Variants in MAP2K6 observed in about 807,000 individuals in gnomAD.
MAP2K6 encodes mitogen-activated protein kinase kinase 6, also known as dual specificity mitogen-activated protein kinase kinase 6.
MAP2K6 carries 16 observed loss-of-function variants against 53.7 expected under a neutral mutation model. The observed-to-expected ratio is 0.30, with a 90% CI of 0.20 to 0.45. The LOEUF (loss-of-function observed/expected upper bound fraction) is 0.45, where lower values mean the gene tolerates loss of function less well. Among genes scored for constraint, MAP2K6 ranks in the 20% least tolerant of loss-of-function variants. MAP2K6 has a pLI of 1.00. For synonymous variants in MAP2K6, 132 were observed against 143.1 expected (o/e 0.92, Z 0.55); for missense variants, 204 against 411.9 (o/e 0.50, Z 4.37).
intron 10 of MAP2K6, among the ~76,000 whole-genome samples, chr17:69,528,500 G>C (rs1371067735): frequency 6.6e-6 from 1 of 152,024 alleles, no homozygotes; most frequent in African/African-American, 2.4e-5. Context: ...TTTTGTGGAT[G>C]GTTGGTTGGT....
chr17:69,541,317 TAGCCTAAAATG>T (rs879345935), intron 11 of MAP2K6, among the ~76,000 whole-genome samples: 1 of 152,204 alleles, frequency 6.6e-6, no homozygotes, highest in Non-Finnish European at 1.5e-5. Context: ...ACTACTATAT[TAGCCTAAAATG>T]ACCTTGTGGG....
rs1912095850 is a variant in MAP2K6, at chr17:69,551,461, G to A, written c.*9708G>A. The A allele has an allele frequency of 6.6e-6, 1 of 152,202 alleles. No homozygotes were observed. The highest frequency in any genetic ancestry group is 2.1e-4 in the South Asian group (1 of 4,834). 9.4% of individuals were successfully genotyped at this position (152,202 alleles called of 1,614,324 possible). A position where few individuals can be genotyped will look rare whatever the true frequency, so the allele number is the denominator to read the frequency against. On this transcript the variant is annotated 3_prime_UTR_variant, in exon 12 of 12. Transcript: ENST00000590474. ...TGTACACACACATAAAGAGTCTGGT[G>A]AATTCTGACAGTGTTCTGTTTGCCA...
At chr17:69,538,240 C>A (rs573281326) in intron 11 of MAP2K6, among the ~76,000 whole-genome samples, 67 of 152,300 alleles carry the variant, frequency 4.4e-4, no homozygotes, top group African/African-American at 1.6e-3. Flanking sequence ...GCTACTTTTT[C>A]TTCTTCCAAA....
intron 1 of MAP2K6, among the ~76,000 whole-genome samples, chr17:69,501,508 A>AT (rs968911488): frequency 1.3e-5 from 2 of 151,742 alleles, no homozygotes; most frequent in African/African-American, 2.4e-5. Flanking sequence ...GGCTTTTTAA[A>AT]TTTTTTTTTC....
intron 11 of MAP2K6, 105 bp from the exon 12 acceptor site, chr17:69,541,571 T>G: frequency 1.3e-6 from 1 of 780,132 alleles, no homozygotes; most frequent in South Asian, 1.6e-5. Flanking sequence ...CTAGCTCTGA[T>G]AGGGATACTT....
intron 1 of MAP2K6, among the ~76,000 whole-genome samples, chr17:69,425,448 G>C (rs778634216): frequency 1.3e-5 from 2 of 151,950 alleles, no homozygotes; most frequent in Non-Finnish European, 2.9e-5. Context: ...AAGTAGCTGG[G>C]ATTACAGGCG....
intron 1 of MAP2K6, among the ~76,000 whole-genome samples, chr17:69,454,305 G>C (rs1358309090): frequency 1.3e-5 from 2 of 152,204 alleles, no homozygotes; most frequent in Non-Finnish European, 2.9e-5. Context: ...CAGAGAAAAT[G>C]ATCAGGGCAG....
intron 1 of MAP2K6, among the ~76,000 whole-genome samples, chr17:69,498,650 CCA>C (rs3222089): frequency 0.016 from 2,306 of 145,290 alleles, 24 homozygotes; most frequent in African/African-American, 0.034. Context: ...CACCTGGAAG[CCA>C]CACACACACA....
intron 1 of MAP2K6, among the ~76,000 whole-genome samples, chr17:69,462,865 C>T (rs576338214): frequency 2.0e-5 from 3 of 151,254 alleles, no homozygotes; most frequent in Non-Finnish European, 4.4e-5. Context: ...GAGGCTGAGG[C>T]GGGCGGAAAA....
chr17:69,448,709 T>C (rs992162716), intron 1 of MAP2K6, among the ~76,000 whole-genome samples: 6 of 152,172 alleles, frequency 3.9e-5, no homozygotes, highest in African/African-American at 9.7e-5. Context: ...GTGAACTGAT[T>C]GTTTGCGGGG....
At chr17:69,421,114 A>C (rs77308249) in intron 1 of MAP2K6, among the ~76,000 whole-genome samples, 5 of 152,248 alleles carry the variant, frequency 3.3e-5, no homozygotes, top group African/African-American at 9.6e-5. Context: ...TGCTCAAAAA[A>C]TGTCTGACAA....
chr17:69,514,894 T>A (rs1910059629), intron 2 of MAP2K6, among the ~76,000 whole-genome samples: 1 of 152,148 alleles, frequency 6.6e-6, no homozygotes, highest in Non-Finnish European at 1.5e-5. Flanking sequence ...TATTTATGTA[T>A]TCAATTTCAG....
chr17:69,511,061 T>C (rs868543976), intron 2 of MAP2K6, among the ~76,000 whole-genome samples: 1 of 152,208 alleles, frequency 6.6e-6, no homozygotes, highest in Non-Finnish European at 1.5e-5. Context: ...GTTTACATTA[T>C]AGCATAAATT....
At chr17:69,509,944 G>A (rs531482316) in intron 2 of MAP2K6, among the ~76,000 whole-genome samples, 3 of 152,214 alleles carry the variant, frequency 2.0e-5, no homozygotes, top group African/African-American at 4.8e-5. Context: ...CCTGGCTCAA[G>A]TGATCCTCCC....
In MAP2K6 at chr17:69,523,515, C is replaced by T. The variant is rs373722395; in HGVS notation, c.537C>T (p.Asp179=). The T allele has an allele frequency of 2.0e-5, 32 of 1,613,574 alleles. No homozygotes were observed. The highest frequency in any genetic ancestry group is 2.6e-5 in the Non-Finnish European group (31 of 1,179,602). The change falls in exon 8 of 12, where the codon GAC becomes GAT. Residue 179 remains aspartate, a splice_region_variant and synonymous_variant. Transcript: ENST00000590474. Reference sequence around the variant, plus strand: ...CATCCTGGTTGTTTTCGCTTTCAGACGTCAAGCCTTCTAATGTACTCATCA... The same window carrying T: ...CATCCTGGTTGTTTTCGCTTTCAGATGTCAAGCCTTCTAATGTACTCATCA... ...LHSKLSVIHR[D]VKPSNVLINA... is the part of the protein sequence containing the mutation.
intron 1 of MAP2K6, among the ~76,000 whole-genome samples, chr17:69,455,034 TA>T (rs67621294): frequency 0.36 from 34,860 of 97,702 alleles, 4,179 homozygotes; most frequent in African/African-American, 0.42. Context: ...TTACTATTAT[TA>T]TTTTTTTTTT....
At position 69,463,898 on chromosome 17, in the gene MAP2K6, A is replaced by G. The variant is rs144917151; in HGVS notation, c.17-41882A>G. 1.2e-3 allele frequency among the ~76,000 whole-genome samples: 187 copies of G among 151,004 alleles called. 2 individuals are homozygous for G. Among genetic ancestry groups the G allele is most frequent in the African/African-American group, 4.3e-3 (176 of 41,330 alleles). On this transcript the variant is annotated intron_variant, in intron 1 of 11. Transcript: ENST00000590474. The stretch of plus-strand genomic sequence containing the variant: ...GCCAGGGATGGTGGCGTGTGCCTGT[A>G]ATCCCAGCTACTCTGGGGGCTGAGA...
At position 69,414,977 on chromosome 17, in the gene MAP2K6, A is replaced by G; in HGVS notation, c.-8A>G. ...GTGCTCCCCTCCCCCATCAAAGGAA[A>G]GGGGAAAATGTCTCAGTCGAAAGGT... On this transcript the variant is annotated 5_prime_UTR_variant, in exon 1 of 12. Coordinates refer to ENST00000590474, the MANE Select transcript of MAP2K6 (RefSeq NM_002758.4). The G allele has an allele frequency of 6.4e-7, 1 of 1,553,220 alleles. No homozygotes were observed. The highest frequency in any genetic ancestry group is 8.9e-7 in the Non-Finnish European group (1 of 1,124,666).
At chr17:69,451,165 C>T (rs1907212198) in intron 1 of MAP2K6, among the ~76,000 whole-genome samples, 1 of 152,178 alleles carries the variant, frequency 6.6e-6, no homozygotes, top group Non-Finnish European at 1.5e-5. Context: ...AGCGAATGGT[C>T]AGGGGCTATC....
Sources: gnomAD v4.1 joint callset for allele counts (sites outside exome capture counted in the v4.1 genomes callset) on GRCh38, gnomAD v4.1.1 for gene constraint, MANE v1.5 for transcripts, NCBI Gene and HGNC (gene_info 2026-07-23, HGNC 2026-07-21) for gene names.